The following PAPPA variants were observed in gnomAD, a reference collection of about 807,000 sequenced individuals.
PAPPA encodes pappalysin-1.
A neutral mutation model predicts 164.0 loss-of-function variants in PAPPA; 60 were observed. The ratio of observed to expected loss-of-function variants is 0.37; its 90% CI spans 0.30 to 0.45. The LOEUF (loss-of-function observed/expected upper bound fraction) is 0.45. Ranked by LOEUF, PAPPA falls within the 20% of genes least tolerant of loss-of-function variation. The pLI is 1.00. For missense variants in PAPPA, 1,782 were observed against 2,087.3 expected (o/e 0.85, Z 2.85); for synonymous variants, 875 against 814.1 (o/e 1.07, Z -1.27).
At chr9:116,201,717 C>T (rs576556850) in intron 2 of PAPPA, among the ~76,000 whole-genome samples, 2 of 152,326 alleles carry the variant, frequency 1.3e-5, no homozygotes, top group East Asian at 3.9e-4. Flanking sequence ...TACCAAGTGA[C>T]AGGGTCAGTT....
chr9:116,272,856 G>A (rs567444570), intron 9 of PAPPA, among the ~76,000 whole-genome samples: 86 of 152,238 alleles, frequency 5.6e-4, no homozygotes, highest in African/African-American at 2.0e-3. Flanking sequence ...CATAAAGCTG[G>A]CCAAGTGGCT....
chr9:116,352,892 C>A lies in PAPPA; in HGVS notation c.4151C>A (p.Pro1384His). Residue 1384 changes from proline to histidine, a missense_variant, in exon 16 of 22, where the codon CCT becomes CAT. Coordinates refer to ENST00000328252, the MANE Select transcript of PAPPA (RefSeq NM_002581.5). ...KYKCKPGYHVPGSSRKSKKRA... is the reference protein window; with the variant it reads ...KYKCKPGYHVHGSSRKSKKRA... ...AAATGCAAGCCTGGATACCATGTGC[C>A]TGGATCCTCTCGGAAGTCAAAGAAG... is the stretch of plus-strand genomic sequence containing the variant. 6.2e-7 allele frequency: 1 copy of A among 1,614,034 alleles called. No individual in the cohort carries two copies. The highest frequency in any genetic ancestry group is 1.7e-5 in the Admixed American group (1 of 60,010).
chr9:116,306,053 A>G (rs996485252), intron 10 of PAPPA, among the ~76,000 whole-genome samples: 9 of 152,196 alleles, frequency 5.9e-5, no homozygotes, highest in Non-Finnish European at 1.0e-4. Context: ...GAAATAACCT[A>G]GTCATTCCCA....
chr9:116,377,714 A>G (rs1846673890), intron 20 of PAPPA, 67 bp downstream of exon 20: 1 of 1,213,278 alleles, frequency 8.2e-7, no homozygotes, highest in Non-Finnish European at 1.2e-6. Flanking sequence ...TGTTATTGTT[A>G]TATTAATGTT....
chr9:116,240,672 G>A (rs534063708), intron 7 of PAPPA, among the ~76,000 whole-genome samples: 2 of 152,282 alleles, frequency 1.3e-5, no homozygotes, highest in South Asian at 2.1e-4. Context: ...CCACAATGTA[G>A]GTGGTCCTAT....
intron 8 of PAPPA, among the ~76,000 whole-genome samples, chr9:116,270,921 A>C (rs1480908086): frequency 6.6e-6 from 1 of 152,170 alleles, no homozygotes; most frequent in Non-Finnish European, 1.5e-5. Flanking sequence ...GAAGGACCAG[A>C]ATCTCTACAT....
At chr9:116,279,952 T>A (rs554699403) in intron 9 of PAPPA, among the ~76,000 whole-genome samples, 1 of 152,272 alleles carries the variant, frequency 6.6e-6, no homozygotes, top group South Asian at 2.1e-4. Context: ...AAGTGAGGGA[T>A]ATAGACCTAA....
intron 7 of PAPPA, among the ~76,000 whole-genome samples, chr9:116,245,611 T>C (rs1308258835): frequency 6.6e-6 from 1 of 152,226 alleles, no homozygotes; most frequent in Non-Finnish European, 1.5e-5. Flanking sequence ...GAAGTAGCTG[T>C]TTAATGATTC....
chr9:116,307,525 G>A (rs936298919), intron 10 of PAPPA, among the ~76,000 whole-genome samples: 22 of 152,024 alleles, frequency 1.4e-4, no homozygotes, highest in African/African-American at 5.1e-4. Flanking sequence ...GCTTGAACCC[G>A]GTTCAAGCGG....
intron 3 of PAPPA, among the ~76,000 whole-genome samples, chr9:116,208,106 C>A (rs1158374996): frequency 6.6e-6 from 1 of 152,204 alleles, no homozygotes. Context: ...CCACCAACAC[C>A]AACAGGAACT....
At position 116,248,392 on chromosome 9, in the gene PAPPA, A is replaced by G. The variant is rs369864888; in HGVS notation, c.2732+12755A>G. Among the ~76,000 whole-genome samples, 101 of 152,330 alleles carry G rather than the reference A, an allele frequency of 6.6e-4. 1 individual carries two copies. The East Asian group carries it at 0.015, about 23-fold the overall frequency. On this transcript the variant is annotated intron_variant, in intron 7 of 21. Transcript: ENST00000328252. ...TGTCTATAAAATAAAGGGGTAGGTC[A>G]TAGCTCTGAAATTCTGTTCAGATTA...
At chr9:116,289,979 A>G (rs796611337) in intron 9 of PAPPA, among the ~76,000 whole-genome samples, 70 of 152,372 alleles carry the variant, frequency 4.6e-4, no homozygotes, top group African/African-American at 1.7e-3. Flanking sequence ...ACAAAAAATT[A>G]GAAAAGCCAT....
At chr9:116,364,888 G>A (rs943199520) in intron 18 of PAPPA, among the ~76,000 whole-genome samples, 3 of 152,082 alleles carry the variant, frequency 2.0e-5, no homozygotes, top group Non-Finnish European at 2.9e-5. Flanking sequence ...AAGTCCCCAC[G>A]GCTGGCACCC....
intron 10 of PAPPA, among the ~76,000 whole-genome samples, chr9:116,306,653 C>G (rs992631656): frequency 6.6e-6 from 1 of 152,214 alleles, no homozygotes; most frequent in Non-Finnish European, 1.5e-5. Context: ...AGTTATCTCT[C>G]TTCTGGGAAC....
At chr9:116,365,876 G>T (rs957609670) in intron 18 of PAPPA, among the ~76,000 whole-genome samples, 1 of 152,082 alleles carries the variant, frequency 6.6e-6, no homozygotes, top group African/African-American at 2.4e-5. Flanking sequence ...CACTGTTATC[G>T]ATTGTGGGGC....
At chr9:116,258,810 A>G (rs1844966720) in intron 7 of PAPPA, among the ~76,000 whole-genome samples, 3 of 152,226 alleles carry the variant, frequency 2.0e-5, no homozygotes, top group Admixed American at 2.0e-4. Context: ...TTTGGGGGGA[A>G]AAACAATCCT....
At chr9:116,201,711 A>G (rs1235837898) in intron 2 of PAPPA, among the ~76,000 whole-genome samples, 2 of 152,200 alleles carry the variant, frequency 1.3e-5, no homozygotes, top group Non-Finnish European at 2.9e-5. Context: ...TTGAGATACC[A>G]AGTGACAGGG....
At chr9:116,211,342 C>T (rs1844304494) in intron 3 of PAPPA, among the ~76,000 whole-genome samples, 1 of 152,196 alleles carries the variant, frequency 6.6e-6, no homozygotes, top group Non-Finnish European at 1.5e-5. Flanking sequence ...TTCTGAATTG[C>T]TCTCCATTGA....
At chr9:116,258,898 C>T in intron 7 of PAPPA, among the ~76,000 whole-genome samples, 1 of 152,136 alleles carries the variant, frequency 6.6e-6, no homozygotes, top group East Asian at 1.9e-4. Flanking sequence ...CTTTGGGAGG[C>T]CAAGGCAGGT....
Sources: allele counts gnomAD v4.1 joint callset (sites outside exome capture counted in the v4.1 genomes callset), GRCh38; gene constraint gnomAD v4.1.1; transcripts MANE v1.5; gene names NCBI Gene and HGNC (gene_info 2026-07-23, HGNC 2026-07-21).